Variants in DLGAP2 observed in about 807,000 individuals in gnomAD.
DLGAP2 encodes disks large-associated protein 2.
Under a neutral mutation model 100.3 loss-of-function variants are expected in DLGAP2, and 26 were observed. The ratio of observed to expected loss-of-function variants is 0.26; its 90% CI spans 0.19 to 0.36. The LOEUF is 0.36. Ranked by LOEUF, DLGAP2 falls within the 10% of genes least tolerant of loss-of-function variation. The pLI, the probability that DLGAP2 is intolerant of heterozygous loss-of-function variation, is 1.00. For synonymous variants in DLGAP2, 886 were observed against 630.1 expected (o/e 1.41, Z -6.08); for missense variants, 1,858 against 1,453.2 (o/e 1.28, Z -4.53).
chr8:1,360,515 T>A (rs965040869), intron 3 of DLGAP2, among the ~76,000 whole-genome samples: 1 of 152,114 alleles, frequency 6.6e-6, no homozygotes, highest in East Asian at 1.9e-4. Flanking sequence ...GGGTTGGTTG[T>A]TTGCCCTCGA....
chr8:1,264,816 G>A (rs995236015), intron 3 of DLGAP2, among the ~76,000 whole-genome samples: 9 of 152,094 alleles, frequency 5.9e-5, no homozygotes, highest in Admixed American at 2.6e-4. Flanking sequence ...TAATCACCAC[G>A]TGCCATGGGA....
chr8:805,344 C>G (rs1039600927), intron 1 of DLGAP2, among the ~76,000 whole-genome samples: 1 of 152,176 alleles, frequency 6.6e-6, no homozygotes, highest in African/African-American at 2.4e-5. Flanking sequence ...TGATCGCCAG[C>G]ACAGTTGCTC....
At chr8:1,699,395 G>C (rs767237609) in intron 14 of DLGAP2, among the ~76,000 whole-genome samples, 2 of 151,824 alleles carry the variant, frequency 1.3e-5, no homozygotes, top group African/African-American at 2.4e-5. Context: ...CATGAGGTCA[G>C]GAGATCAAGA....
chr8:1,223,929 G>GT (rs993879878), intron 2 of DLGAP2, among the ~76,000 whole-genome samples: 5 of 152,164 alleles, frequency 3.3e-5, no homozygotes, highest in African/African-American at 9.7e-5. Flanking sequence ...ACTCCTTGTT[G>GT]TTAAAAACAA....
At chr8:1,288,692 T>TGC (rs1253098964) in intron 3 of DLGAP2, among the ~76,000 whole-genome samples, 29 of 149,634 alleles carry the variant, frequency 1.9e-4, no homozygotes, top group Admixed American at 1.9e-3. Flanking sequence ...TGTGTGTGTG[T>TGC]GTGTGTGGTT....
intron 3 of DLGAP2, among the ~76,000 whole-genome samples, chr8:1,431,237 A>G (rs1192997748): frequency 6.6e-6 from 1 of 152,262 alleles, no homozygotes; most frequent in African/African-American, 2.4e-5. Context: ...TCAATCTGAC[A>G]CATCATTAGA....
chr8:1,525,726 A>C (rs1347517139), intron 4 of DLGAP2, among the ~76,000 whole-genome samples: 1 of 152,244 alleles, frequency 6.6e-6, no homozygotes, highest in Non-Finnish European at 1.5e-5. Context: ...TCTTAGCAAA[A>C]TGCCCCAAAT....
chr8:861,096 G>A (rs1797380968), intron 1 of DLGAP2, among the ~76,000 whole-genome samples: 1 of 152,100 alleles, frequency 6.6e-6, no homozygotes, highest in South Asian at 2.1e-4. Flanking sequence ...CAGTGAGGTG[G>A]GAGGCAGCCG....
In DLGAP2 at chr8:915,713, C is replaced by G. The variant is rs926293371; in HGVS notation, c.73+7747C>G. 5.3e-5 allele frequency among the ~76,000 whole-genome samples: 8 copies of G among 152,204 alleles called. 1 individual carries two copies. Among genetic ancestry groups the G allele is most frequent in the African/African-American group, 1.9e-4 (8 of 41,450 alleles). Reference sequence around the variant, plus strand: ...ACAAATGTGTGGTCATTTGTTAAATCTCCCCATCTATTCATCTCTCTGTCC... The same window carrying G: ...ACAAATGTGTGGTCATTTGTTAAATGTCCCCATCTATTCATCTCTCTGTCC... On this transcript the variant is annotated intron_variant, in intron 2 of 14. Coordinates refer to ENST00000637795, the MANE Select transcript of DLGAP2 (RefSeq NM_001346810.2).
chr8:1,657,311 A>T (rs974101534), intron 8 of DLGAP2, among the ~76,000 whole-genome samples: 1 of 152,250 alleles, frequency 6.6e-6, no homozygotes, highest in Non-Finnish European at 1.5e-5. Context: ...AATACATTTA[A>T]TGTTTGACAT....
intron 2 of DLGAP2, among the ~76,000 whole-genome samples, chr8:1,227,549 AG>A (rs1443330582): frequency 1.3e-5 from 2 of 151,168 alleles, no homozygotes; most frequent in Non-Finnish European, 2.9e-5. Context: ...ACTGGAGTGC[AG>A]TGGCACAATC....
intron 6 of DLGAP2, among the ~76,000 whole-genome samples, chr8:1,625,580 C>T (rs1259219207): frequency 6.6e-6 from 1 of 152,218 alleles, no homozygotes; most frequent in African/African-American, 2.4e-5. Flanking sequence ...TAAGTTAAAA[C>T]TGAAAGTGAG....
At chr8:1,149,149 T>C (rs568660501) in intron 2 of DLGAP2, among the ~76,000 whole-genome samples, 52 of 51,852 alleles carry the variant, frequency 1.0e-3, no homozygotes, top group African/African-American at 1.9e-3. Context: ...AATTACCCTC[T>C]TTTTTTTTTG....
At chr8:1,151,443 C>T (rs748827693) in intron 2 of DLGAP2, among the ~76,000 whole-genome samples, 6 of 152,158 alleles carry the variant, frequency 3.9e-5, no homozygotes, top group South Asian at 2.1e-4. Flanking sequence ...CTTTGGCCTA[C>T]GCGGGGGCAG....
chr8:850,623 T>C (rs1797167677), intron 1 of DLGAP2, among the ~76,000 whole-genome samples: 1 of 152,206 alleles, frequency 6.6e-6, no homozygotes, highest in Admixed American at 6.5e-5. Context: ...AATGTTGGCA[T>C]GCTTTATTTT....
At chr8:1,457,688 C>G (rs940122851) in intron 3 of DLGAP2, among the ~76,000 whole-genome samples, 2 of 152,028 alleles carry the variant, frequency 1.3e-5, no homozygotes, top group African/African-American at 2.4e-5. Context: ...TCTCTTCCCT[C>G]TAATGCAAAG....
Position 1,555,348 on chromosome 8 carries a change from G to A in DLGAP2, c.1230+5665G>A, listed in dbSNP as rs147078697. Among the ~76,000 whole-genome samples, 72 of 152,264 alleles carry A rather than the reference G, an allele frequency of 4.7e-4. 2 individuals carry two copies. The East Asian group carries it at 0.013, about 27-fold the overall frequency. On this transcript the variant is annotated intron_variant, in intron 5 of 14. Coordinates refer to ENST00000637795, the MANE Select transcript of DLGAP2 (RefSeq NM_001346810.2). ...AAAGCGGTGACCTCCGCTTCCAGGA[G>A]CCACGTGTGCCTGCCCCCCACACTC...
At chr8:1,635,987 G>T (rs1797756490) in intron 8 of DLGAP2, among the ~76,000 whole-genome samples, 1 of 152,166 alleles carries the variant, frequency 6.6e-6, no homozygotes, top group African/African-American at 2.4e-5. Context: ...ACCCTGTGAG[G>T]CGGTGTGAGC....
At chr8:1,504,490 C>T (rs908885662) in intron 4 of DLGAP2, among the ~76,000 whole-genome samples, 6 of 152,174 alleles carry the variant, frequency 3.9e-5, no homozygotes, top group African/African-American at 1.2e-4. Context: ...CCATAGACCT[C>T]GTCACTTACT....
Sources: gnomAD v4.1 joint callset for allele counts (sites outside exome capture counted in the v4.1 genomes callset) on GRCh38, gnomAD v4.1.1 for gene constraint, MANE v1.5 for transcripts, NCBI Gene and HGNC (gene_info 2026-07-23, HGNC 2026-07-21) for gene names.